Variants in HMCN2 observed in about 807,000 individuals in gnomAD.
The protein encoded by HMCN2 is hemicentin 2, also known as hemicentin-2.
HMCN2 carries 325 observed loss-of-function variants against 377.5 expected under a neutral mutation model. The ratio of observed to expected loss-of-function variants is 0.86; its 90% CI spans 0.79 to 0.94. The LOEUF is 0.94. Ranked by LOEUF, HMCN2 falls within the 40% of genes least tolerant of loss-of-function variation. The pLI, the probability that HMCN2 is intolerant of heterozygous loss-of-function variation, is 0.00. For missense variants in HMCN2, 4,543 were observed against 4,725.3 expected, an observed-to-expected ratio of 0.96 and a Z score of 1.13; for synonymous variants, 2,007 against 2,046.8, an observed-to-expected ratio of 0.98 and a Z score of 0.53.
chr9:130,401,617 C>T (rs1173798892), intron 77 of HMCN2, among the ~76,000 whole-genome samples: 2 of 152,182 alleles, frequency 1.3e-5, no homozygotes, highest in African/African-American at 4.8e-5. Context: ...GCCACCATGC[C>T]TGGCCTAACA....
At chr9:130,295,567 G>A (rs374553571) in intron 5 of HMCN2, 99 bp from the exon 6 acceptor site, 12 of 361,416 alleles carry the variant, frequency 3.3e-5, no homozygotes, top group South Asian at 2.3e-4. Flanking sequence ...GGAAGACTGA[G>A]GCTAGTGTTT....
chr9:130,407,824 C>T (rs1236882920), intron 83 of HMCN2, 119 bp downstream of exon 83: 1 of 731,258 alleles, frequency 1.4e-6, no homozygotes, highest in East Asian at 1.2e-4. Context: ...CCCACCCTGG[C>T]TGCATGTTAG....
Position 130,398,545 on chromosome 9 carries a change from C to T in HMCN2, c.11327-6C>T. On this transcript the variant is annotated splice_polypyrimidine_tract_variant and splice_region_variant and intron_variant, in intron 74 of 97. Transcript: ENST00000683500. ...ACCTGTCTCCTGACCACTGTGCTCT[C>T]CCCAGAGCCTCCAGCCATCGCCCCC... The T allele has an allele frequency of 8.1e-7, 1 of 1,231,846 alleles. No homozygotes were observed. 76.3% of individuals were successfully genotyped at this position (1,231,846 alleles called of 1,614,324 possible).
Position 130,314,273 on chromosome 9 carries a change from A to T in HMCN2, c.2350+4212A>T, listed in dbSNP as rs1016395320. On this transcript the variant is annotated intron_variant, in intron 15 of 97. Coordinates refer to ENST00000683500, the MANE Select transcript of HMCN2 (RefSeq NM_001291815.2). ...GGCTGGGCTCTGTGGCGAGGGGGCC[A>T]TGGCGAGGCGACTTCTCCATCAGGC... Among the ~76,000 whole-genome samples, 626 of 152,292 alleles carry T rather than the reference A, an allele frequency of 4.1e-3. 12 individuals are homozygous for T. The highest frequency in any genetic ancestry group is 0.037 in the Admixed American group (574 of 15,308).
At position 130,358,378 on chromosome 9, in the gene HMCN2, C is replaced by G. The variant is rs771445176; in HGVS notation, c.5581-12C>G. The stretch of plus-strand genomic sequence containing the variant: ...CAGCCCTGTGGCATACTCTCTGCCC[C>G]CTCCCCTCCAGATTGAGAAGGTGGA... On this transcript the variant is annotated splice_polypyrimidine_tract_variant and intron_variant, in intron 35 of 97. Transcript: ENST00000683500. The G allele has an allele frequency of 4.6e-6, 6 of 1,304,120 alleles. No individual in the cohort carries two copies. The South Asian group carries it at 7.4e-5, about 16-fold the overall frequency. The allele number at this position is 1,304,120 out of a possible 1,614,324, so 80.8% of individuals were successfully genotyped here. A position where few individuals can be genotyped will look rare whatever the true frequency, so the allele number is the denominator to read the frequency against.
chr9:130,394,716 C>A lies in HMCN2; in HGVS notation c.10692+141C>A. ...TGGGGTGTGAGGGTGTGGAGGTGACCCACCTTGGCCGTGCCCTTGGGAGCT... is the reference window on the plus strand; with the variant it reads ...TGGGGTGTGAGGGTGTGGAGGTGACACACCTTGGCCGTGCCCTTGGGAGCT... On this transcript the variant is annotated intron_variant, in intron 69 of 97. Coordinates refer to ENST00000683500, the MANE Select transcript of HMCN2 (RefSeq NM_001291815.2). The surrounding 1 kb of genome is among the most constrained non-coding windows in gnomAD (Gnocchi z 5.1). 4 of 683,114 alleles carry A rather than the reference C, an allele frequency of 5.9e-6. No homozygotes were observed. The highest frequency in any genetic ancestry group is 8.4e-6 in the Non-Finnish European group (4 of 478,246). The allele number at this position is 683,114 out of a possible 1,614,324, so 42.3% of individuals were successfully genotyped here. A position where few individuals can be genotyped will look rare whatever the true frequency, so the allele number is the denominator to read the frequency against.
At chr9:130,335,402 G>A (rs1838692952) in intron 22 of HMCN2, among the ~76,000 whole-genome samples, 1 of 152,160 alleles carries the variant, frequency 6.6e-6, no homozygotes, top group Non-Finnish European at 1.5e-5. Context: ...CTACGCAGGG[G>A]AAATGTTTAC....
chr9:130,273,541 A>G (rs1834513053), intron 1 of HMCN2, among the ~76,000 whole-genome samples: 1 of 151,792 alleles, frequency 6.6e-6, no homozygotes, highest in Non-Finnish European at 1.5e-5. Context: ...TCTCTTGCCC[A>G]GGCTGGAGTG....
intron 1 of HMCN2, among the ~76,000 whole-genome samples, chr9:130,278,131 T>G (rs1834896592): frequency 6.6e-6 from 1 of 151,010 alleles, no homozygotes; most frequent in Non-Finnish European, 1.5e-5. Flanking sequence ...GTTGGTTGGT[T>G]GGTTTTTTTT....
chr9:130,386,066 C>G (rs2131653096), intron 60 of HMCN2, among the ~76,000 whole-genome samples: 1 of 152,278 alleles, frequency 6.6e-6, no homozygotes, highest in African/African-American at 2.4e-5. Context: ...TCCTGGGAGT[C>G]TGCCCTGCCC....
Position 130,433,557 on chromosome 9 carries a change from G to A in HMCN2, c.15104G>A (p.Arg5035His). The change falls in exon 98 of 98, where the codon CGC (arginine) becomes CAC (histidine). Residue 5035 changes from arginine (R) to histidine (H), a missense_variant. Transcript: ENST00000683500. ...AGCCCCTTCGCGCTGCGTCCGCTGC[G>A]CGCGGGCCTTGGCGCGGTCTACACC... The part of the protein sequence containing the change: ...PRSPFALRPL[R>H]AGLGAVYTRR... 3 of 1,471,368 alleles carry A rather than the reference G, an allele frequency of 2.0e-6. No homozygotes were observed. Among genetic ancestry groups the A allele is most frequent in the Non-Finnish European group, 2.7e-6 (3 of 1,116,886 alleles). 91.1% of individuals were successfully genotyped at this position (1,471,368 alleles called of 1,614,324 possible). A position where few individuals can be genotyped will look rare whatever the true frequency, so the allele number is the denominator to read the frequency against.
At chr9:130,328,247 G>A (rs1450775644) in intron 22 of HMCN2, among the ~76,000 whole-genome samples, 11 of 152,198 alleles carry the variant, frequency 7.2e-5, no homozygotes, top group African/African-American at 1.2e-4. Flanking sequence ...CAGGGAGCCG[G>A]CCCTGGGCAT....
rs1241246232 is a variant in HMCN2, at chr9:130,354,800, C to T, written c.4902C>T (p.Tyr1634=). 1.0e-5 allele frequency: 13 copies of T among 1,303,946 alleles called. No individual in the cohort carries two copies. The highest frequency in any genetic ancestry group is 3.0e-5 in the African/African-American group (2 of 65,880). 80.8% of individuals were successfully genotyped at this position (1,303,946 alleles called of 1,614,324 possible). The change falls in exon 32 of 98, where the codon TAC becomes TAT. Residue 1634 remains tyrosine, a synonymous_variant. Coordinates refer to ENST00000683500, the MANE Select transcript of HMCN2 (RefSeq NM_001291815.2). ...TCGAGGGCGCCGGTGGAAGACCATA[C>T]GTGGTGAAGGCTGTGGCTGGGAGGC... ...PTIEGAGGRP[Y]VVKAVAGRPV... is the part of the protein sequence containing the mutation.
intron 13 of HMCN2, 130 bp from the exon 14 acceptor site, chr9:130,307,323 G>A (rs1230273400): frequency 1.2e-5 from 5 of 433,538 alleles, no homozygotes; most frequent in Non-Finnish European, 2.4e-5. Context: ...TGAACCTGGG[G>A]TGCTCCAGGG....
At chr9:130,296,281 T>G (rs1436633939) in intron 6 of HMCN2, among the ~76,000 whole-genome samples, 1 of 152,198 alleles carries the variant, frequency 6.6e-6, no homozygotes, top group African/African-American at 2.4e-5. Flanking sequence ...GCAGGCACTG[T>G]GCTAGGTGTT....
Position 130,430,379 on chromosome 9 carries a change from C to T in HMCN2, c.14422C>T (p.Leu4808Phe). ...CTGCCTGTGCCCCCCAGGCCAGACC[C>T]TCCTTCGCGACGGCAAGGCCTGCAC... ...YRCLCPPGQT[L>F]LRDGKACTSL... Residue 4808 changes from leucine (L) to phenylalanine (F), a missense_variant, in exon 95 of 98, where the codon CTC (leucine) becomes TTC (phenylalanine). Transcript: ENST00000683500. 6.5e-7 allele frequency: 1 copy of T among 1,550,074 alleles called. No homozygotes were observed. Among genetic ancestry groups the T allele is most frequent in the Non-Finnish European group, 8.7e-7 (1 of 1,146,968 alleles).
Position 130,369,437 on chromosome 9 carries a change from A to G in HMCN2, c.6788-133A>G. On this transcript the variant is annotated intron_variant, in intron 44 of 97. Coordinates refer to ENST00000683500, the MANE Select transcript of HMCN2 (RefSeq NM_001291815.2). This position sits in a 1 kb window ranked among gnomAD's most constrained non-coding sequence, Gnocchi z 4.5. The stretch of plus-strand genomic sequence containing the variant: ...ACCCCATTGTTGGGAAGGAAAATGG[A>G]GGTGAGGTCACGAGGTCACACAGCC... The G allele has an allele frequency of 3.2e-6, 1 of 311,600 alleles. No individual in the cohort carries two copies. The highest frequency in any genetic ancestry group is 4.7e-6 in the Non-Finnish European group (1 of 213,696). The allele number at this position is 311,600 out of a possible 1,614,324, so 19.3% of individuals were successfully genotyped here. A position where few individuals can be genotyped will look rare whatever the true frequency, so the allele number is the denominator to read the frequency against.
chr9:130,282,916 C>T (rs369498616), intron 1 of HMCN2, among the ~76,000 whole-genome samples: 6 of 152,054 alleles, frequency 3.9e-5, no homozygotes, highest in Admixed American at 1.3e-4. Context: ...ACTAAAAATA[C>T]AAAAATTTGC....
intron 85 of HMCN2, 94 bp downstream of exon 85, chr9:130,410,746 A>G: frequency 9.7e-7 from 1 of 1,034,182 alleles, no homozygotes; most frequent in South Asian, 1.4e-5. Context: ...CAGGGCTGGG[A>G]CTTGGAATTC....
Sources: allele counts gnomAD v4.1 joint callset (sites outside exome capture counted in the v4.1 genomes callset), GRCh38; gene constraint gnomAD v4.1.1; non-coding constraint Gnocchi (gnomAD v3.1); transcripts MANE v1.5; gene names NCBI Gene and HGNC (gene_info 2026-07-23, HGNC 2026-07-21).